The following ZCCHC17 variants were observed in gnomAD, a reference collection of about 807,000 sequenced individuals.
ZCCHC17 encodes zinc finger CCHC domain-containing protein 17.
ZCCHC17 carries 18 observed loss-of-function variants against 30.6 expected under a neutral mutation model. That is an observed-to-expected ratio of 0.59 (90% CI 0.41 to 0.87). ZCCHC17 has a LOEUF of 0.87. Ranked by LOEUF, ZCCHC17 falls within the 40% of genes least tolerant of loss-of-function variation. ZCCHC17 has a pLI of 0.00. For missense variants in ZCCHC17, 263 were observed against 284.2 expected, an observed-to-expected ratio of 0.93 and a Z score of 0.54; for synonymous variants, 88 against 92.4, an observed-to-expected ratio of 0.95 and a Z score of 0.27.
At chr1:31,349,651 A>G (rs868419828) in intron 7 of ZCCHC17, among the ~76,000 whole-genome samples, 1 of 152,176 alleles carries the variant, frequency 6.6e-6, no homozygotes, top group Non-Finnish European at 1.5e-5. Context: ...CTAGGTAATA[A>G]TAAATACAGA....
intron 5 of ZCCHC17, among the ~76,000 whole-genome samples, chr1:31,342,494 C>T (rs1639084328): frequency 6.6e-6 from 1 of 152,198 alleles, no homozygotes; most frequent in Non-Finnish European, 1.5e-5. Flanking sequence ...GGATAGGGGG[C>T]TGGAATGGTT....
intron 4 of ZCCHC17, 121 bp from the exon 5 acceptor site, chr1:31,338,836 C>G: frequency 3.2e-6 from 2 of 632,924 alleles, no homozygotes; most frequent in Admixed American, 3.1e-5. Context: ...ATGTTCCTAG[C>G]ACAGTACCTG....
At chr1:31,344,251 A>G (rs1178483266) in intron 5 of ZCCHC17, among the ~76,000 whole-genome samples, 1 of 152,132 alleles carries the variant, frequency 6.6e-6, no homozygotes, top group African/African-American at 2.4e-5. Flanking sequence ...TTGGCCTTCC[A>G]AAGTGCTGAG....
At chr1:31,343,890 T>G (rs1040388979) in intron 5 of ZCCHC17, among the ~76,000 whole-genome samples, 2 of 142,218 alleles carry the variant, frequency 1.4e-5, no homozygotes, top group Non-Finnish European at 3.0e-5. Context: ...AGTTTCACTC[T>G]TGTTGCCCAG....
At chr1:31,306,983 G>A (rs1053902795) in intron 1 of ZCCHC17, among the ~76,000 whole-genome samples, 42 of 152,146 alleles carry the variant, frequency 2.8e-4, no homozygotes, top group African/African-American at 9.4e-4. Context: ...GACTACAGGT[G>A]CGCACCACCA....
intron 3 of ZCCHC17, among the ~76,000 whole-genome samples, chr1:31,320,260 T>A (rs1022032998): frequency 1.3e-5 from 2 of 152,190 alleles, no homozygotes; most frequent in Non-Finnish European, 2.9e-5. Context: ...AAAAAGCTAA[T>A]CTCAAAAGGT....
At chr1:31,300,568 G>C (rs905367888) in intron 1 of ZCCHC17, among the ~76,000 whole-genome samples, 1 of 152,164 alleles carries the variant, frequency 6.6e-6, no homozygotes, top group Non-Finnish European at 1.5e-5. Context: ...AGGGAGTTTA[G>C]AGTGTTGTTG....
chr1:31,318,191 C>G, intron 2 of ZCCHC17: 1 of 1,535,128 alleles, frequency 6.5e-7, no homozygotes, highest in South Asian at 1.2e-5. Flanking sequence ...AAACAGTGCT[C>G]AAGATGAAGC....
At chr1:31,345,324 T>C (rs914314609) in intron 5 of ZCCHC17, among the ~76,000 whole-genome samples, 4 of 149,678 alleles carry the variant, frequency 2.7e-5, no homozygotes, top group African/African-American at 7.4e-5. Flanking sequence ...GCCCGGCTAA[T>C]TTTTTGTATT....
intron 3 of ZCCHC17, among the ~76,000 whole-genome samples, chr1:31,323,525 G>T (rs1475485501): frequency 6.6e-6 from 1 of 152,078 alleles, no homozygotes; most frequent in African/African-American, 2.4e-5. Context: ...GTTTCACCGT[G>T]TTAGCCAGGA....
intron 3 of ZCCHC17, among the ~76,000 whole-genome samples, chr1:31,325,702 A>G (rs1239719777): frequency 1.3e-5 from 2 of 152,228 alleles, no homozygotes; most frequent in African/African-American, 4.8e-5. Flanking sequence ...CCATTAGACC[A>G]AGTGGATGGA....
chr1:31,340,337 A>G (rs150763245), intron 5 of ZCCHC17, among the ~76,000 whole-genome samples: 789 of 23,744 alleles, frequency 0.033, 58 homozygotes, highest in East Asian at 0.28. Context: ...TTTTTTTTTG[A>G]GACAAGTTTC....
In ZCCHC17 at chr1:31,319,110, T is replaced by C. The variant is rs1450252368; in HGVS notation, c.68T>C (p.Val23Ala). The change falls in exon 3 of 8, where the codon GTT becomes GCT. Residue 23 changes from valine (V) to alanine (A), a missense_variant and splice_region_variant. By Grantham distance (64) the Val-to-Ala change is moderately conservative. Transcript: ENST00000344147. ...GATTTTTTTCCCCCATCTTTATAGG[T>C]TGCTATGGTGACAGACTATGGGGCC... ...PALYTIFQGE[V>A]AMVTDYGAFI... 1 of 1,609,022 alleles carries C rather than the reference T, an allele frequency of 6.2e-7. No individual in the cohort carries two copies.
intron 7 of ZCCHC17, among the ~76,000 whole-genome samples, chr1:31,358,876 CAG>C (rs995233926): frequency 6.6e-6 from 1 of 151,992 alleles, no homozygotes; most frequent in African/African-American, 2.4e-5. Context: ...AGATCACCTG[CAG>C]AGTAAATATA....
At chr1:31,350,892 G>A (rs1019579822) in intron 7 of ZCCHC17, among the ~76,000 whole-genome samples, 26 of 152,128 alleles carry the variant, frequency 1.7e-4, no homozygotes, top group African/African-American at 5.1e-4. Flanking sequence ...GTGAGCCTCC[G>A]CGCCTGGCAA....
At position 31,323,497 on chromosome 1, in the gene ZCCHC17, A is replaced by G. The variant is rs187966385; in HGVS notation, c.124+4331A>G. 6.2e-4 allele frequency among the ~76,000 whole-genome samples: 94 copies of G among 152,054 alleles called. 1 individual carries two copies. In the East Asian group the frequency reaches 9.5e-3, roughly 15 times the overall value. On this transcript the variant is annotated intron_variant, in intron 3 of 7. Transcript: ENST00000344147. ...CCACCATGCCTGGCTAATTTTTTGT[A>G]TTTTTAGTAGAGTCAGGGTTTCACC...
chr1:31,364,101 ACAGG>A lies in ZCCHC17; in HGVS notation c.637_640del (p.Gly213ArgfsTer38). Reference sequence around the variant, plus strand: ...TGACAGCTCAGACTCTGAGAGTGATACAGGCAAGAGGGCAAGGCACACATCAAAA... The same window carrying A: ...TGACAGCTCAGACTCTGAGAGTGATACAAGAGGGCAAGGCACACATCAAAA... On this transcript the variant is annotated frameshift_variant, in exon 8 of 8. Coordinates refer to ENST00000344147, the MANE Select transcript of ZCCHC17 (RefSeq NM_016505.4). LOFTEE classifies it high-confidence loss of function. 1 of 1,613,928 alleles carries A rather than the reference ACAGG, an allele frequency of 6.2e-7. No individual in the cohort carries two copies. The highest frequency in any genetic ancestry group is 8.5e-7 in the Non-Finnish European group (1 of 1,179,878).
At chr1:31,304,179 G>T (rs1646387608) in intron 1 of ZCCHC17, among the ~76,000 whole-genome samples, 1 of 152,142 alleles carries the variant, frequency 6.6e-6, no homozygotes, top group Non-Finnish European at 1.5e-5. Flanking sequence ...AACTCCAAAT[G>T]GTGTACCTCA....
intron 7 of ZCCHC17, among the ~76,000 whole-genome samples, chr1:31,356,303 A>G (rs1214315061): frequency 1.3e-5 from 2 of 152,206 alleles, no homozygotes; most frequent in African/African-American, 2.4e-5. Flanking sequence ...TAGTCAGGCC[A>G]CCTAGGACTA....
Sources: allele counts gnomAD v4.1 joint callset (sites outside exome capture counted in the v4.1 genomes callset), GRCh38; gene constraint gnomAD v4.1.1; transcripts MANE v1.5; gene names NCBI Gene and HGNC (gene_info 2026-07-23, HGNC 2026-07-21).